The following RALGAPB variants were observed in gnomAD, a reference collection of about 807,000 sequenced individuals.
The protein encoded by RALGAPB is ral GTPase-activating protein subunit beta.
In RALGAPB, 25 loss-of-function variants were observed where a neutral mutation model predicts 161.1. That is an observed-to-expected ratio of 0.16 (90% CI 0.11 to 0.22). RALGAPB has a LOEUF of 0.22. RALGAPB is among the 10% of genes least tolerant of loss of function. The pLI, the probability that RALGAPB is intolerant of heterozygous loss-of-function variation, is 1.00. For synonymous variants in RALGAPB, 629 were observed against 626.1 expected (o/e 1.00, Z -0.07); for missense variants, 1,391 against 1,815.2 (o/e 0.77, Z 4.25).
rs199692201 is a variant in RALGAPB, at chr20:38,492,896, T to A, written c.187-34T>A. On this transcript the variant is annotated intron_variant, in intron 2 of 29. Transcript: ENST00000262879. ...ATCAGTCTACTGAGATAGGAACGTG[T>A]AATAATTCTATATGGATATTTTCTT... The A allele has an allele frequency of 4.5e-5, 69 of 1,527,394 alleles. 2 individuals carry two copies. The Middle Eastern group carries it at 1.0e-3, about 23-fold the overall frequency. 94.6% of individuals were successfully genotyped at this position (1,527,394 alleles called of 1,614,324 possible).
At chr20:38,476,881 CAG>C (rs575816642) in intron 1 of RALGAPB, among the ~76,000 whole-genome samples, 133 of 152,168 alleles carry the variant, frequency 8.7e-4, no homozygotes, top group African/African-American at 2.9e-3. Context: ...TGTGGATAAT[CAG>C]AGTACGGTTT....
chr20:38,569,860 G>T lies in RALGAPB; in HGVS notation c.3955-28G>T, dbSNP rs774701905. 1.9e-6 allele frequency: 3 copies of T among 1,570,606 alleles called. No individual in the cohort carries two copies. Among genetic ancestry groups the T allele is most frequent in the Non-Finnish European group, 2.6e-6 (3 of 1,142,920 alleles). On this transcript the variant is annotated intron_variant, in intron 26 of 29. Transcript: ENST00000262879. ...GTTTTTTGTTGCTGTTGTTTTTCCC[G>T]CTCTCTGTCTTCTTCTTCTTCATGT...
Position 38,556,245 on chromosome 20 carries a change from C to A in RALGAPB, c.3373-2050C>A, listed in dbSNP as rs555046893. Among the ~76,000 whole-genome samples the A allele has an allele frequency of 3.3e-5, 5 of 152,104 alleles. No homozygotes were observed. The East Asian group carries it at 9.7e-4, about 29-fold the overall frequency. On this transcript the variant is annotated intron_variant, in intron 22 of 29. Transcript: ENST00000262879. ...ACAAAGAGAATTTTTTAGTCAATGA[C>A]GTTTTTTAAACTTTCTAGTTTTAAA...
At chr20:38,480,142 C>T (rs1225973855) in intron 1 of RALGAPB, among the ~76,000 whole-genome samples, 2 of 151,740 alleles carry the variant, frequency 1.3e-5, no homozygotes, top group South Asian at 2.1e-4. Context: ...CCACCATGCC[C>T]GGCTAAGATA....
intron 24 of RALGAPB, among the ~76,000 whole-genome samples, chr20:38,564,939 T>TCC (rs912110954): frequency 4.2e-5 from 6 of 143,698 alleles, no homozygotes; most frequent in African/African-American, 1.3e-4. Context: ...TTCTTCCTCT[T>TCC]CCCCCCTCTC....
chr20:38,561,569 TAGA>T lies in RALGAPB; in HGVS notation c.3532-960_3532-958del, dbSNP rs565954288. 2.2e-3 allele frequency among the ~76,000 whole-genome samples: 329 copies of T among 152,308 alleles called. 2 individuals carry two copies. Among genetic ancestry groups the T allele is most frequent in the Non-Finnish European group, 3.0e-3 (205 of 68,030 alleles). ...GATTCCGCCTTCACTGATTTTAATG[TAGA>T]AGGTCTAGAGCAGGCGAAGAGAACC... is the stretch of plus-strand genomic sequence containing the variant. On this transcript the variant is annotated intron_variant, in intron 23 of 29. Coordinates refer to ENST00000262879, the MANE Select transcript of RALGAPB (RefSeq NM_020336.4).
chr20:38,557,492 T>C (rs1172786269), intron 22 of RALGAPB, among the ~76,000 whole-genome samples: 1 of 152,226 alleles, frequency 6.6e-6, no homozygotes, highest in East Asian at 1.9e-4. Context: ...AAAAATCCCC[T>C]GTACTCCACC....
chr20:38,551,020 AGAT>A lies in RALGAPB; in HGVS notation c.3010-49_3010-47del, dbSNP rs771191511. 8 of 1,575,038 alleles carry A rather than the reference AGAT, an allele frequency of 5.1e-6. No individual in the cohort carries two copies. The African/African-American group carries it at 8.1e-5, about 16-fold the overall frequency. On this transcript the variant is annotated intron_variant, in intron 20 of 29. Transcript: ENST00000262879. ...AGACCAGGGAAATACATGTCATTAC[AGAT>A]GGGTATTGGACCCTGTGTAATAAAC...
At chr20:38,566,167 T>C (rs2087990691) in intron 25 of RALGAPB, among the ~76,000 whole-genome samples, 1 of 152,222 alleles carries the variant, frequency 6.6e-6, no homozygotes, top group African/African-American at 2.4e-5. Flanking sequence ...CTAATGACTT[T>C]TGTTGTGCCC....
At chr20:38,479,841 C>T (rs1370249018) in intron 1 of RALGAPB, among the ~76,000 whole-genome samples, 1 of 152,186 alleles carries the variant, frequency 6.6e-6, no homozygotes, top group Non-Finnish European at 1.5e-5. Flanking sequence ...CCTGACCGCC[C>T]TCAACCTTAG....
chr20:38,569,867 GTCT>G lies in RALGAPB; in HGVS notation c.3955-9_3955-7del, dbSNP rs3830825. 2.3e-4 allele frequency: 370 copies of G among 1,585,418 alleles called. 2 individuals are homozygous for G. The East Asian group carries it at 3.8e-3, about 16-fold the overall frequency. On this transcript the variant is annotated intron_variant, in intron 26 of 29. Transcript: ENST00000262879. ...GTTGCTGTTGTTTTTCCCGCTCTCT[GTCT>G]TCTTCTTCTTCATGTAGCTCAGTCC...
intron 1 of RALGAPB, among the ~76,000 whole-genome samples, chr20:38,487,638 C>G (rs1010441313): frequency 3.9e-5 from 6 of 152,222 alleles, no homozygotes; most frequent in African/African-American, 1.4e-4. Flanking sequence ...TCCTACACCA[C>G]TTACAGAAGT....
At position 38,527,981 on chromosome 20, in the gene RALGAPB, T is replaced by C. The variant is rs1439170717; in HGVS notation, c.2050+1939T>C. ...TTCTGTCCTAGCCTTTCCAGGACAA[T>C]GGTTTCCTTGATAATAAATAAATGA... On this transcript the variant is annotated intron_variant, in intron 13 of 29. Coordinates refer to ENST00000262879, the MANE Select transcript of RALGAPB (RefSeq NM_020336.4). 2.6e-5 allele frequency among the ~76,000 whole-genome samples: 4 copies of C among 152,332 alleles called. No homozygotes were observed. The East Asian group carries it at 5.8e-4, about 22-fold the overall frequency.
intron 13 of RALGAPB, among the ~76,000 whole-genome samples, chr20:38,526,429 T>C (rs756014113): frequency 1.3e-5 from 2 of 152,058 alleles, no homozygotes; most frequent in Non-Finnish European, 2.9e-5. Flanking sequence ...TGCCTCTTCC[T>C]CTTACTCCTG....
At chr20:38,546,173 A>G in intron 18 of RALGAPB, 70 bp from the exon 19 acceptor site, 1 of 1,602,028 alleles carries the variant, frequency 6.2e-7, no homozygotes, top group Non-Finnish European at 8.5e-7. Flanking sequence ...GGAAGGGGAC[A>G]CATTGATGCA....
At chr20:38,524,542 T>A (rs1051310045) in intron 10 of RALGAPB, among the ~76,000 whole-genome samples, 4 of 152,190 alleles carry the variant, frequency 2.6e-5, no homozygotes, top group African/African-American at 9.7e-5. Context: ...GTGTATATGA[T>A]TCAGAATTGT....
rs779835007 is a variant in RALGAPB, at chr20:38,539,972, AT to A, written c.2562+18del. The A allele has an allele frequency of 3.8e-6, 6 of 1,592,228 alleles. No homozygotes were observed. In the Admixed American group the frequency reaches 1.1e-4, roughly 28 times the overall value. ...CTTGATGAAAAGGTGAGTTTATTTT[AT>A]TTTAAACCATTAAGTAAAAACAAAA... On this transcript the variant is annotated intron_variant, in intron 17 of 29. Transcript: ENST00000262879.
At chr20:38,514,334 G>C (rs1373872448) in intron 6 of RALGAPB, among the ~76,000 whole-genome samples, 1 of 152,194 alleles carries the variant, frequency 6.6e-6, no homozygotes, top group Non-Finnish European at 1.5e-5. Context: ...GCAGTCTCTT[G>C]ATAACTGCCC....
At position 38,517,825 on chromosome 20, in the gene RALGAPB, C is replaced by T. The variant is rs762381967; in HGVS notation, c.1242C>T (p.Ser414=). 25 of 1,613,894 alleles carry T rather than the reference C, an allele frequency of 1.5e-5. No homozygotes were observed. The highest frequency in any genetic ancestry group is 2.0e-5 in the Non-Finnish European group (24 of 1,179,890). The part of the protein sequence containing the change: ...AHASKVQHQT[S]STSPLSSPNQ... ...CCTCTAAAGTTCAGCACCAGACGTC[C>T]TCCACCTCTCCTCTGTCAAGTCCAA... is the stretch of plus-strand genomic sequence containing the variant. The change falls in exon 9 of 30, where the codon TCC becomes TCT. Residue 414 remains serine (S), a synonymous_variant. Coordinates refer to ENST00000262879, the MANE Select transcript of RALGAPB (RefSeq NM_020336.4).
Sources: allele counts gnomAD v4.1 joint callset (sites outside exome capture counted in the v4.1 genomes callset), GRCh38; gene constraint gnomAD v4.1.1; transcripts MANE v1.5; gene names NCBI Gene and HGNC (gene_info 2026-07-23, HGNC 2026-07-21).